DSCAML1: variants seen among roughly 807,000 people sequenced by gnomAD.
DSCAML1 encodes cell adhesion molecule DSCAML1.
DSCAML1 carries 38 observed loss-of-function variants against 200.5 expected under a neutral mutation model. The observed-to-expected ratio is 0.19, with a 90% confidence interval of 0.15 to 0.25. The LOEUF (loss-of-function observed/expected upper bound fraction) is 0.25. DSCAML1 is among the 10% of genes least tolerant of loss of function. The pLI is 1.00. For synonymous variants in DSCAML1, 1,215 were observed against 1,165.0 expected, an observed-to-expected ratio of 1.04 and a Z score of -0.87; for missense variants, 2,223 against 2,858.8, an observed-to-expected ratio of 0.78 and a Z score of 5.07.
In DSCAML1 at chr11:117,503,940, C is replaced by T. The variant is rs1340694953; in HGVS notation, c.2264G>A (p.Arg755His). The change falls in exon 11 of 33, where the codon CGC becomes CAC. Residue 755 changes from arginine (R) to histidine (H), a missense_variant. By Grantham distance (29) the Arg-to-His change is conservative. Around this residue, in one of 7 missense-constraint regions of DSCAML1, gnomAD observed 212 missense variants for 368.0 expected, o/e 0.58. Transcript: ENST00000651296. This position sits in a 1 kb window ranked among gnomAD's most constrained non-coding sequence, Gnocchi z 5.2. The stretch of plus-strand genomic sequence containing the variant: ...GCCGATGTCCTCTTCTAGGACGTGG[C>T]GGATCAGCAGCGAGCTGTTGGGCAG... ...QILPNSSLLI[R>H]HVLEEDIGYY... is the part of the protein sequence containing the mutation. 1.9e-6 allele frequency: 3 copies of T among 1,614,064 alleles called. No homozygotes were observed. Among genetic ancestry groups the T allele is most frequent in the East Asian group, 2.2e-5 (1 of 44,874 alleles).
At chr11:117,474,137 A>G (rs1355475534) in intron 14 of DSCAML1, among the ~76,000 whole-genome samples, 2 of 152,086 alleles carry the variant, frequency 1.3e-5, no homozygotes, top group Non-Finnish European at 2.9e-5. Flanking sequence ...GGCAATTTAA[A>G]TGCTCACCAT....
At chr11:117,629,620 G>A (rs1232697297) in intron 3 of DSCAML1, among the ~76,000 whole-genome samples, 2 of 152,008 alleles carry the variant, frequency 1.3e-5, no homozygotes, top group African/African-American at 2.4e-5. Flanking sequence ...GACAGAGACA[G>A]GGAGACTCAG....
intron 3 of DSCAML1, among the ~76,000 whole-genome samples, chr11:117,592,240 C>T (rs1443281595): frequency 1.3e-5 from 2 of 152,162 alleles, no homozygotes; most frequent in African/African-American, 2.4e-5. Context: ...ATCATCCCTC[C>T]ACTCCGTAAC....
At chr11:117,488,516 C>T (rs2137240685) in intron 11 of DSCAML1, among the ~76,000 whole-genome samples, 1 of 151,586 alleles carries the variant, frequency 6.6e-6, no homozygotes, top group East Asian at 1.9e-4. Flanking sequence ...ACCAGGAGTA[C>T]AAATCCTGAC....
chr11:117,699,497 C>T (rs529979805), intron 3 of DSCAML1, among the ~76,000 whole-genome samples: 21 of 152,326 alleles, frequency 1.4e-4, no homozygotes, highest in African/African-American at 1.7e-4. Context: ...GGAAAACAGA[C>T]GGTGGCAGTC....
intron 11 of DSCAML1, among the ~76,000 whole-genome samples, chr11:117,494,452 A>AT (rs1040462605): frequency 2.0e-5 from 3 of 152,234 alleles, no homozygotes; most frequent in Admixed American, 6.5e-5. Context: ...ACCTAGAGGG[A>AT]TTTTTTGGCT....
Position 117,498,175 on chromosome 11 carries a change from C to G in DSCAML1, c.2359+5670G>C. ...TCTGTGACGAGATAGGACCCACCAC[C>G]GGGGAACACACAGGAATATCTTGGG... is the stretch of plus-strand genomic sequence containing the variant. On this transcript the variant is annotated intron_variant, in intron 11 of 32. Transcript: ENST00000651296. The surrounding 1 kb of genome is among the most constrained non-coding windows in gnomAD (Gnocchi z 4.0). 6.6e-6 allele frequency among the ~76,000 whole-genome samples: 1 copy of G among 152,332 alleles called. No individual in the cohort carries two copies. Among genetic ancestry groups the G allele is most frequent in the Middle Eastern group, 3.4e-3 (1 of 294 alleles).
chr11:117,505,390 G>C lies in DSCAML1; in HGVS notation c.2062+64C>G. On this transcript the variant is annotated intron_variant, in intron 9 of 32. Coordinates refer to ENST00000651296, the MANE Select transcript of DSCAML1 (RefSeq NM_020693.4). The surrounding 1 kb of genome is among the most constrained non-coding windows in gnomAD (Gnocchi z 6.7). ...CCGTGATTGGAACTGGAAATCTAGA[G>C]ACTGCAGTAGCAGCAGGCAGAATGG... The C allele has an allele frequency of 1.3e-6, 2 of 1,567,914 alleles. No homozygotes were observed. Among genetic ancestry groups the C allele is most frequent in the South Asian group, 2.3e-5 (2 of 86,970 alleles).
At chr11:117,796,931 G>C (rs1021209886) in intron 1 of DSCAML1, 103 bp downstream of exon 1, 1 of 894,782 alleles carries the variant, frequency 1.1e-6, no homozygotes. Flanking sequence ...ACCCCGGTCG[G>C]TTCCCCCACG....
At chr11:117,598,535 G>T (rs192403011) in intron 3 of DSCAML1, among the ~76,000 whole-genome samples, 2 of 152,182 alleles carry the variant, frequency 1.3e-5, no homozygotes, top group Admixed American at 6.5e-5. Context: ...GGTTGAAATT[G>T]GTCTGGGGTC....
chr11:117,584,331 A>G (rs2051103047), intron 3 of DSCAML1, among the ~76,000 whole-genome samples: 1 of 152,176 alleles, frequency 6.6e-6, no homozygotes, highest in Admixed American at 6.5e-5. Context: ...CCACCGGGAT[A>G]CAGTCCTTCC....
intron 21 of DSCAML1, among the ~76,000 whole-genome samples, chr11:117,440,391 A>T (rs950429548): frequency 2.0e-5 from 3 of 152,182 alleles, no homozygotes; most frequent in African/African-American, 7.2e-5. Flanking sequence ...CTTGAAGGTT[A>T]AGAAAGACTT....
chr11:117,601,111 G>A (rs997373475), intron 3 of DSCAML1, among the ~76,000 whole-genome samples: 1 of 152,090 alleles, frequency 6.6e-6, no homozygotes, highest in African/African-American at 2.4e-5. Context: ...TCCCTCAAAT[G>A]CACTCCAGCT....
intron 3 of DSCAML1, among the ~76,000 whole-genome samples, chr11:117,554,899 C>T (rs2050533396): frequency 6.6e-6 from 1 of 152,180 alleles, no homozygotes; most frequent in Admixed American, 6.5e-5. Context: ...TCGTTACATA[C>T]AGCCAAATGC....
chr11:117,691,826 T>C (rs1458171120), intron 3 of DSCAML1, among the ~76,000 whole-genome samples: 1 of 152,126 alleles, frequency 6.6e-6, no homozygotes, highest in Non-Finnish European at 1.5e-5. Flanking sequence ...ACAACTTTCA[T>C]TTCCACAAGC....
At chr11:117,486,436 GAAAGTGGCAGATAT>G (rs2049064932) in intron 11 of DSCAML1, among the ~76,000 whole-genome samples, 1 of 152,176 alleles carries the variant, frequency 6.6e-6, no homozygotes, top group African/African-American at 2.4e-5. Flanking sequence ...TGGCGGATGT[GAAAGTGGCAGATAT>G]GAAAGTAGCG....
intron 3 of DSCAML1, among the ~76,000 whole-genome samples, chr11:117,719,311 C>A (rs1019929738): frequency 2.0e-5 from 3 of 152,094 alleles, no homozygotes; most frequent in African/African-American, 7.2e-5. Context: ...AAAATATAAG[C>A]CGGAGGTGAT....
At chr11:117,730,513 C>A (rs1189661641) in intron 3 of DSCAML1, among the ~76,000 whole-genome samples, 1 of 152,178 alleles carries the variant, frequency 6.6e-6, no homozygotes, top group African/African-American at 2.4e-5. Context: ...GTTAGAGTAG[C>A]AAGAGGCAAC....
intron 1 of DSCAML1, among the ~76,000 whole-genome samples, chr11:117,783,216 C>T (rs2055293628): frequency 6.6e-6 from 1 of 152,156 alleles, no homozygotes; most frequent in Non-Finnish European, 1.5e-5. Context: ...CTCCGGGGTC[C>T]TGGGTGCCTC....
Sources: allele counts gnomAD v4.1 joint callset (sites outside exome capture counted in the v4.1 genomes callset), GRCh38; gene constraint gnomAD v4.1.1; regional missense constraint gnomAD v4.1.1; non-coding constraint Gnocchi (gnomAD v3.1); transcripts MANE v1.5; gene names NCBI Gene and HGNC (gene_info 2026-07-23, HGNC 2026-07-21).